The following LONRF2 variants were observed in gnomAD, a reference collection of about 807,000 sequenced individuals.
LONRF2 encodes LON peptidase N-terminal domain and RING finger protein 2.
A neutral mutation model predicts 66.6 loss-of-function variants in LONRF2; 35 were observed. The observed-to-expected ratio is 0.53, with a 90% confidence interval of 0.40 to 0.70. The LOEUF (loss-of-function observed/expected upper bound fraction) is 0.70, where lower values mean the gene tolerates loss of function less well. Ranked by LOEUF, LONRF2 falls within the 30% of genes least tolerant of loss-of-function variation. The pLI, the probability that LONRF2 is intolerant of heterozygous loss-of-function variation, is 0.00. For missense variants in LONRF2, 902 were observed against 1,002.1 expected (o/e 0.90, Z 1.35); for synonymous variants, 417 against 418.1 (o/e 1.00, Z 0.03).
intron 6 of LONRF2, 100 bp from the exon 7 acceptor site, chr2:100,299,050 C>G (rs766213849): frequency 1.3e-4 from 123 of 981,470 alleles, no homozygotes; most frequent in Non-Finnish European, 1.9e-4. Context: ...CCTTTCTGTT[C>G]TAGAAATCAC....
rs74177695 is a variant in LONRF2 at position 100,321,866 on chromosome 2, T to C, written c.228A>G (p.Glu76=). The C allele has an allele frequency of 0.47, 565,660 of 1,199,012 alleles. 138,214 individuals carry two copies. The highest frequency in any genetic ancestry group is 0.76 in the East Asian group (20,743 of 27,308). The allele number at this position is 1,199,012 out of a possible 1,614,324, so 74.3% of individuals were successfully genotyped here. ...DALARAGRLP[E]ALGAFRGAAR... ...CGGCGCCGCGGAACGCGCCCAGGGC[T>C]TCGGGGAGGCGGCCGGCGCGGGCCA... Residue 76 remains glutamate, a synonymous_variant, in exon 1 of 12, where the codon GAA becomes GAG. Coordinates refer to ENST00000393437, the MANE Select transcript of LONRF2 (RefSeq NM_198461.4).
chr2:100,272,749 A>C lies in LONRF2; in HGVS notation c.*11549T>G, dbSNP rs939450932. ...CATATTCCTTTTCTTAAGAAGCACT[A>C]CCCCCTTCCTCCCAAATAAACAACT... On this transcript the variant is annotated 3_prime_UTR_variant, in exon 12 of 12. Transcript: ENST00000393437. 1.3e-5 allele frequency among the ~76,000 whole-genome samples: 2 copies of C among 152,208 alleles called. No individual in the cohort carries two copies. Among genetic ancestry groups the C allele is most frequent in the South Asian group, 4.2e-4 (2 of 4,810 alleles).
At chr2:100,308,389 T>C (rs780343505) in intron 2 of LONRF2, among the ~76,000 whole-genome samples, 4 of 152,192 alleles carry the variant, frequency 2.6e-5, no homozygotes, top group Non-Finnish European at 5.9e-5. Flanking sequence ...TCTACTAACC[T>C]GGCTTAATGT....
chr2:100,300,021 G>GT lies in LONRF2; in HGVS notation c.1066-104_1066-103insA, dbSNP rs900424856. ...ACTAGAAATCTTTGGAAAAAAAAAG[G>GT]GGGGGGCATACACTCTTCTTCATAA... On this transcript the variant is annotated intron_variant, in intron 4 of 11. Coordinates refer to ENST00000393437, the MANE Select transcript of LONRF2 (RefSeq NM_198461.4). 16 of 581,472 alleles carry GT rather than the reference G, an allele frequency of 2.8e-5. 1 individual carries two copies. The highest frequency in any genetic ancestry group is 1.8e-4 in the East Asian group (5 of 28,280). 36.0% of individuals were successfully genotyped at this position (581,472 alleles called of 1,614,324 possible). A position where few individuals can be genotyped will look rare whatever the true frequency, so the allele number is the denominator to read the frequency against.
chr2:100,291,700 C>A (rs1327330253), intron 9 of LONRF2, among the ~76,000 whole-genome samples: 1 of 152,076 alleles, frequency 6.6e-6, no homozygotes, highest in Admixed American at 6.5e-5. Context: ...CTCTCCTGAA[C>A]CCTCTCTAAC....
chr2:100,286,991 C>T lies in LONRF2; in HGVS notation c.1993G>A (p.Ala665Thr), dbSNP rs760683755. The T allele has an allele frequency of 7.4e-6, 12 of 1,614,162 alleles. No individual in the cohort carries two copies. The highest frequency in any genetic ancestry group is 2.2e-5 in the South Asian group (2 of 91,084). ...TCTTTCATGCGATCCTGGAGAGACG[C>T]GAACCAGGAAACAGACTGTTGATGC... is the stretch of plus-strand genomic sequence containing the variant. ...SVHQQSVSWF[A>T]SLQDRMKEQI... is the part of the protein sequence containing the mutation. The change falls in exon 11 of 12, where the codon GCG (alanine) becomes ACG (threonine). Residue 665 changes from alanine to threonine, a missense_variant. Coordinates refer to ENST00000393437, the MANE Select transcript of LONRF2 (RefSeq NM_198461.4).
At chr2:100,301,108 T>C (rs956703624) in intron 3 of LONRF2, among the ~76,000 whole-genome samples, 2 of 152,150 alleles carry the variant, frequency 1.3e-5, no homozygotes, top group Admixed American at 6.5e-5. Context: ...AAAGGGAGTG[T>C]AAAGGTTGCT....
Position 100,301,112 on chromosome 2 carries a change from G to A in LONRF2, c.922-325C>T, listed in dbSNP as rs78453389. On this transcript the variant is annotated intron_variant, in intron 3 of 11. Transcript: ENST00000393437. ...AGATAAAAGAGAAAGGGAGTGTAAA[G>A]GTTGCTGGGGGCCTTGAATTAAATC... 3.3e-5 allele frequency among the ~76,000 whole-genome samples: 5 copies of A among 152,162 alleles called. No homozygotes were observed. The East Asian group carries it at 9.6e-4, about 29-fold the overall frequency.
chr2:100,279,861 G>T lies in LONRF2; in HGVS notation c.*4437C>A. 6.6e-6 allele frequency: 1 copy of T among 152,398 alleles called. No homozygotes were observed. 9.4% of individuals were successfully genotyped at this position (152,398 alleles called of 1,614,324 possible). A position where few individuals can be genotyped will look rare whatever the true frequency, so the allele number is the denominator to read the frequency against. Reference sequence around the variant, plus strand: ...CCTGCCCTTTCCTGCAGAACATACAGTAGAGGGTCTGAGCCACGTTCCTCC... The same window carrying T: ...CCTGCCCTTTCCTGCAGAACATACATTAGAGGGTCTGAGCCACGTTCCTCC... On this transcript the variant is annotated 3_prime_UTR_variant, in exon 12 of 12. Transcript: ENST00000393437.
intron 1 of LONRF2, among the ~76,000 whole-genome samples, chr2:100,316,500 A>C (rs2104215494): frequency 6.6e-6 from 1 of 152,114 alleles, no homozygotes; most frequent in African/African-American, 2.4e-5. Context: ...TTTATGTGCT[A>C]TTTAATTTTA....
At chr2:100,313,723 C>T (rs1399668310) in intron 1 of LONRF2, among the ~76,000 whole-genome samples, 3 of 152,092 alleles carry the variant, frequency 2.0e-5, no homozygotes, top group Non-Finnish European at 4.4e-5. Context: ...AAGAAGGTTC[C>T]CTTGTGCACT....
chr2:100,294,902 A>G (rs1052097610), intron 8 of LONRF2, among the ~76,000 whole-genome samples: 1 of 152,146 alleles, frequency 6.6e-6, no homozygotes, highest in African/African-American at 2.4e-5. Context: ...TTTTTGAGGT[A>G]AAATATACGT....
In LONRF2 at chr2:100,321,526, A is replaced by C. The variant is rs1442371454; in HGVS notation, c.568T>G (p.Cys190Gly). ...CGCAGCCGGCACTCGGCCGGGAAGC[A>C]CTTCTCCAGCAGGCCGCTCAGCACC... ...NVVLSGLLEK[C>G]FPAECRLRRL... is the part of the protein sequence containing the mutation. The change falls in exon 1 of 12, where the codon TGC becomes GGC. Residue 190 changes from cysteine to glycine, a missense_variant. This residue lies in a region of LONRF2 where 585 missense variants were observed against 569.9 expected (regional missense o/e 1.03). Coordinates refer to ENST00000393437, the MANE Select transcript of LONRF2 (RefSeq NM_198461.4). 1.9e-6 allele frequency: 3 copies of C among 1,551,910 alleles called. No homozygotes were observed. Among genetic ancestry groups the C allele is most frequent in the South Asian group, 1.2e-5 (1 of 86,190 alleles).
At position 100,272,719 on chromosome 2, in the gene LONRF2, CA is replaced by C. The variant is rs1403646476; in HGVS notation, c.*11578del. ...GCTTTCATAGTTAACTCAGTATTTG[CA>C]ATTCATATTCCTTTTCTTAAGAAGC... On this transcript the variant is annotated 3_prime_UTR_variant, in exon 12 of 12. Coordinates refer to ENST00000393437, the MANE Select transcript of LONRF2 (RefSeq NM_198461.4). Among the ~76,000 whole-genome samples the C allele has an allele frequency of 6.6e-6, 1 of 152,074 alleles. No homozygotes were observed. The highest frequency in any genetic ancestry group is 1.5e-5 in the Non-Finnish European group (1 of 68,012).
chr2:100,278,539 T>C lies in LONRF2; in HGVS notation c.*5759A>G, dbSNP rs1674644795. 1 of 152,192 alleles carries C rather than the reference T, an allele frequency of 6.6e-6. No homozygotes were observed. The highest frequency in any genetic ancestry group is 2.4e-5 in the African/African-American group (1 of 41,442). The allele number at this position is 152,192 out of a possible 1,614,324, so 9.4% of individuals were successfully genotyped here. A position where few individuals can be genotyped will look rare whatever the true frequency, so the allele number is the denominator to read the frequency against. On this transcript the variant is annotated 3_prime_UTR_variant, in exon 12 of 12. Transcript: ENST00000393437. ...CACATTCTGGGGTCTATTGATCTTG[T>C]CACCACTGATGTGGGGGCTTTCGCT...
At chr2:100,297,931 A>G (rs1675105192) in intron 7 of LONRF2, among the ~76,000 whole-genome samples, 1 of 152,234 alleles carries the variant, frequency 6.6e-6, no homozygotes, top group East Asian at 1.9e-4. Context: ...TAAGTATAAT[A>G]TCTCATCTTA....
chr2:100,321,589 G>C lies in LONRF2; in HGVS notation c.505C>G (p.Pro169Ala), dbSNP rs777117415. 3 of 1,526,618 alleles carry C rather than the reference G, an allele frequency of 2.0e-6. No individual in the cohort carries two copies. The highest frequency in any genetic ancestry group is 2.6e-6 in the Non-Finnish European group (3 of 1,149,256). The allele number at this position is 1,526,618 out of a possible 1,614,324, so 94.6% of individuals were successfully genotyped here. ...CGCACCTGCGGCCGCGCGGGCCCTGGCTCCACGCAGCGCTTGCAGACTGTG... is the reference window on the plus strand; with the variant it reads ...CGCACCTGCGGCCGCGCGGGCCCTGCCTCCACGCAGCGCTTGCAGACTGTG... ...GLTVCKRCVE[P>A]GPARPQVRRV... Residue 169 changes from proline to alanine, a missense_variant, in exon 1 of 12, where the codon CCA (proline) becomes GCA (alanine). By Grantham distance (27) the Pro-to-Ala change is conservative. Around this residue, in one of 2 missense-constraint regions of LONRF2, gnomAD observed 585 missense variants for 569.9 expected, o/e 1.03. Transcript: ENST00000393437.
intron 7 of LONRF2, among the ~76,000 whole-genome samples, chr2:100,296,154 G>A (rs1378635293): frequency 6.6e-6 from 1 of 152,046 alleles, no homozygotes; most frequent in Non-Finnish European, 1.5e-5. Context: ...GGGATCGGTG[G>A]GTGGAAGGGC....
rs80098559 is a variant in LONRF2, at chr2:100,301,758, A to C, written c.922-971T>G. Among the ~76,000 whole-genome samples, 1,350 of 152,368 alleles carry C rather than the reference A, an allele frequency of 8.9e-3. 20 individuals carry two copies. The highest frequency in any genetic ancestry group is 0.047 in the East Asian group (242 of 5,178). On this transcript the variant is annotated intron_variant, in intron 3 of 11. Transcript: ENST00000393437. ...CCAGGAACCTTGGTGAATGTGCTTC[A>C]TCTCTTTGACCTTGGACTGACTTTC...
Sources: gnomAD v4.1 joint callset for allele counts (sites outside exome capture counted in the v4.1 genomes callset) on GRCh38, gnomAD v4.1.1 for gene constraint, gnomAD v4.1.1 regional missense constraint, MANE v1.5 for transcripts, NCBI Gene and HGNC (gene_info 2026-07-23, HGNC 2026-07-21) for gene names.